The following HECTD4 variants were observed in gnomAD, a reference collection of about 807,000 sequenced individuals.
The protein encoded by HECTD4 is probable E3 ubiquitin-protein ligase HECTD4.
A neutral mutation model predicts 471.5 loss-of-function variants in HECTD4; 114 were observed. The observed-to-expected ratio is 0.24, with a 90% CI of 0.21 to 0.28. The LOEUF (loss-of-function observed/expected upper bound fraction) is 0.28. HECTD4 is among the 10% of genes least tolerant of loss of function. The pLI is 1.00. For missense variants in HECTD4, 3,866 were observed against 5,651.5 expected (o/e 0.68, Z 10.13); for synonymous variants, 2,012 against 2,256.0 (o/e 0.89, Z 3.07).
At position 112,251,086 on chromosome 12, in the gene HECTD4, C is replaced by T. The variant is rs2033873317; in HGVS notation, c.3601G>A (p.Ala1201Thr). The change falls in exon 24 of 76, where the codon GCT (alanine) becomes ACT (threonine). Residue 1201 changes from alanine to threonine, a missense_variant. Coordinates refer to ENST00000682272, the MANE Select transcript of HECTD4 (RefSeq NM_001388303.1). The part of the protein sequence containing the change: ...SGGLPFLVDL[A>T]LGLSVLACSM... ...CAAGCTAACACAGACAGACCTAAAG[C>T]CAGGTCTACCAGAAAGGGCAAGCCT... The T allele has an allele frequency of 6.2e-7, 1 of 1,613,990 alleles. No homozygotes were observed. The highest frequency in any genetic ancestry group is 8.5e-7 in the Non-Finnish European group (1 of 1,179,878).
In HECTD4 at chr12:112,319,206, T is replaced by C. The variant is rs1566110326; in HGVS notation, c.695+19A>G. 2.6e-6 allele frequency: 4 copies of C among 1,535,614 alleles called. No homozygotes were observed. Among genetic ancestry groups the C allele is most frequent in the Non-Finnish European group, 3.5e-6 (4 of 1,146,558 alleles). ...CAGTAGTCACAAGGTCACCAAATGA[T>C]ACATTCGATTTTCCTTACCTGGCAC... On this transcript the variant is annotated intron_variant, in intron 2 of 75. Transcript: ENST00000682272. This position sits in a 1 kb window ranked among gnomAD's most constrained non-coding sequence, Gnocchi z 5.3.
At chr12:112,365,104 C>T (rs1037260605) in intron 1 of HECTD4, among the ~76,000 whole-genome samples, 1 of 152,112 alleles carries the variant, frequency 6.6e-6, no homozygotes, top group Non-Finnish European at 1.5e-5. Flanking sequence ...AACAGAAATA[C>T]ATAAAACACA....
At chr12:112,221,738 C>T (rs1395640019) in intron 44 of HECTD4, among the ~76,000 whole-genome samples, 1 of 151,402 alleles carries the variant, frequency 6.6e-6, no homozygotes, top group East Asian at 1.9e-4. Context: ...GACGCTGTCT[C>T]TTGTTTTTCT....
chr12:112,198,394 C>G (rs1339232931), intron 55 of HECTD4, among the ~76,000 whole-genome samples: 2 of 152,186 alleles, frequency 1.3e-5, no homozygotes, highest in Non-Finnish European at 2.9e-5. Context: ...CTGCCAAGCT[C>G]AGAGGCTCCT....
chr12:112,226,112 A>T lies in HECTD4; in HGVS notation c.6970+531T>A, dbSNP rs61667833. On this transcript the variant is annotated intron_variant, in intron 44 of 75. Coordinates refer to ENST00000682272, the MANE Select transcript of HECTD4 (RefSeq NM_001388303.1). ...AGATAAAACAGGATCAGTTATGAGT[A>T]GACAACTGTTGAAACTGGATAATGG... Among the ~76,000 whole-genome samples the T allele has an allele frequency of 0.055, 8,434 of 152,264 alleles. 1,291 individuals carry two copies. The East Asian group carries it at 0.61, about 11-fold the overall frequency.
At chr12:112,259,037 C>T in intron 19 of HECTD4, 75 bp downstream of exon 19, 1 of 1,301,474 alleles carries the variant, frequency 7.7e-7, no homozygotes, top group Non-Finnish European at 1.1e-6. Context: ...ATTCTGTCTT[C>T]AGTGAAAGCA....
intron 45 of HECTD4, 35 bp downstream of exon 45, chr12:112,219,351 G>T: frequency 6.8e-7 from 1 of 1,462,302 alleles, no homozygotes; most frequent in Non-Finnish European, 9.6e-7. Flanking sequence ...GTGTGTGGAG[G>T]CTGCAGGAGG....
chr12:112,239,525 T>C lies in HECTD4; in HGVS notation c.5106-289A>G, dbSNP rs1393633788. 2.0e-5 allele frequency among the ~76,000 whole-genome samples: 3 copies of C among 152,256 alleles called. No individual in the cohort carries two copies. Among genetic ancestry groups the C allele is most frequent in the Non-Finnish European group, 2.9e-5 (2 of 68,048 alleles). ...TGTATTTTGTCCTAAGGGGATTCAA[T>C]GAATGCTTGACATCTTCAAATTAGT... On this transcript the variant is annotated intron_variant, in intron 33 of 75. Coordinates refer to ENST00000682272, the MANE Select transcript of HECTD4 (RefSeq NM_001388303.1). This position sits in a 1 kb window ranked among gnomAD's most constrained non-coding sequence, Gnocchi z 4.9.
At chr12:112,224,255 G>C (rs924180878) in intron 44 of HECTD4, among the ~76,000 whole-genome samples, 5 of 150,748 alleles carry the variant, frequency 3.3e-5, no homozygotes, top group South Asian at 2.1e-4. Flanking sequence ...TAATAAGTGA[G>C]TTATTAAGGA....
intron 37 of HECTD4, among the ~76,000 whole-genome samples, chr12:112,234,089 G>C (rs1185739043): frequency 6.6e-6 from 1 of 151,620 alleles, no homozygotes; most frequent in African/African-American, 2.4e-5. Flanking sequence ...TATTTTCTTA[G>C]CAACCTTTCA....
chr12:112,354,075 T>G (rs1329588872), intron 1 of HECTD4, among the ~76,000 whole-genome samples: 1 of 152,004 alleles, frequency 6.6e-6, no homozygotes, highest in Non-Finnish European at 1.5e-5. Context: ...TTTTATTTTT[T>G]ATTTTGATTT....
intron 3 of HECTD4, among the ~76,000 whole-genome samples, chr12:112,313,700 G>T (rs2035418690): frequency 6.6e-6 from 1 of 151,768 alleles, no homozygotes; most frequent in African/African-American, 2.4e-5. Context: ...ATGTTGGCAG[G>T]CTGGTTTTGA....
chr12:112,193,366 A>C lies in HECTD4; in HGVS notation c.8955+103T>G. 1 of 1,349,978 alleles carries C rather than the reference A, an allele frequency of 7.4e-7. No individual in the cohort carries two copies. The highest frequency in any genetic ancestry group is 1.0e-6 in the Non-Finnish European group (1 of 968,524). The allele number at this position is 1,349,978 out of a possible 1,614,324, so 83.6% of individuals were successfully genotyped here. On this transcript the variant is annotated intron_variant, in intron 57 of 75. Transcript: ENST00000682272. The surrounding 1 kb of genome is among the most constrained non-coding windows in gnomAD (Gnocchi z 5.2). ...TTCTAGGAAAAGGAAATCGAGAGGA[A>C]TAGGGACTTGGAAGGGAAAGGGGAG... is the stretch of plus-strand genomic sequence containing the variant.
At chr12:112,355,693 G>A (rs1240852064) in intron 1 of HECTD4, among the ~76,000 whole-genome samples, 2 of 152,220 alleles carry the variant, frequency 1.3e-5, no homozygotes, top group African/African-American at 2.4e-5. Context: ...GAGCCCGGGA[G>A]GCGGAGGTTG....
chr12:112,336,087 GAACA>G (rs1291409106), intron 1 of HECTD4, among the ~76,000 whole-genome samples: 16 of 151,614 alleles, frequency 1.1e-4, no homozygotes, highest in Non-Finnish European at 2.4e-4. Context: ...AGAAAATAGT[GAACA>G]AAGAAAAAAT....
At chr12:112,377,933 C>T (rs1438752086) in intron 1 of HECTD4, among the ~76,000 whole-genome samples, 1 of 152,194 alleles carries the variant, frequency 6.6e-6, no homozygotes, top group Non-Finnish European at 1.5e-5. Flanking sequence ...AATTCAAATA[C>T]TCTGGATCTG....
chr12:112,264,219 T>C lies in HECTD4; in HGVS notation c.2620-7A>G, dbSNP rs1445377883. On this transcript the variant is annotated splice_polypyrimidine_tract_variant and splice_region_variant and intron_variant, in intron 16 of 75. Coordinates refer to ENST00000682272, the MANE Select transcript of HECTD4 (RefSeq NM_001388303.1). ...GCAGGCAGGAGGATGCAGCCTTTAA[T>C]ACAAATAAGGGCATTTAAATGATCT... The C allele has an allele frequency of 6.3e-6, 10 of 1,580,752 alleles. No homozygotes were observed. The highest frequency in any genetic ancestry group is 8.6e-6 in the Non-Finnish European group (10 of 1,162,672).
rs1052403762 is a variant in HECTD4, at chr12:112,162,978, C to T, written c.13120+64G>A. ...TCCCTTCACATGGGGCCTGGCAGCC[C>T]CAGTTCCAAACAGAGAAAGGCTAGT... On this transcript the variant is annotated intron_variant, in intron 75 of 75. Transcript: ENST00000682272. This position sits in a 1 kb window ranked among gnomAD's most constrained non-coding sequence, Gnocchi z 5.2. 1.5e-6 allele frequency: 2 copies of T among 1,302,720 alleles called. No homozygotes were observed. The highest frequency in any genetic ancestry group is 2.2e-6 in the Non-Finnish European group (2 of 927,344). 80.7% of individuals were successfully genotyped at this position (1,302,720 alleles called of 1,614,324 possible). A position where few individuals can be genotyped will look rare whatever the true frequency, so the allele number is the denominator to read the frequency against.
At chr12:112,246,783 C>A (rs2033772896) in intron 29 of HECTD4, 118 bp downstream of exon 29, 1 of 839,550 alleles carries the variant, frequency 1.2e-6, no homozygotes. Context: ...CTTTTGTTTT[C>A]CTTTCTCAGA....
Sources: allele counts gnomAD v4.1 joint callset (sites outside exome capture counted in the v4.1 genomes callset), GRCh38; gene constraint gnomAD v4.1.1; non-coding constraint Gnocchi (gnomAD v3.1); transcripts MANE v1.5; gene names NCBI Gene and HGNC (gene_info 2026-07-23, HGNC 2026-07-21).